The following SIPA1L3 variants were observed in gnomAD, a reference collection of about 807,000 sequenced individuals.
The protein encoded by SIPA1L3 is signal induced proliferation associated 1 like 3, also known as signal-induced proliferation-associated 1-like protein 3.
Under a neutral mutation model 150.1 loss-of-function variants are expected in SIPA1L3, and 59 were observed. The ratio of observed to expected loss-of-function variants is 0.39; its 90% CI spans 0.32 to 0.49. SIPA1L3 has a LOEUF of 0.49. Among genes scored for constraint, SIPA1L3 ranks in the 20% least tolerant of loss-of-function variants. SIPA1L3 has a pLI of 0.86. For missense variants in SIPA1L3, 2,211 were observed against 2,489.5 expected, an observed-to-expected ratio of 0.89 and a Z score of 2.38; for synonymous variants, 1,070 against 1,077.6, an observed-to-expected ratio of 0.99 and a Z score of 0.14.
chr19:38,159,035 GC>G (rs1488368402), intron 13 of SIPA1L3, among the ~76,000 whole-genome samples: 1 of 152,198 alleles, frequency 6.6e-6, no homozygotes, highest in Non-Finnish European at 1.5e-5. Context: ...CAGAGTGACT[GC>G]CCACCTCCCG....
intron 6 of SIPA1L3, among the ~76,000 whole-genome samples, chr19:38,104,127 C>T (rs986081508): frequency 5.8e-4 from 88 of 152,136 alleles, no homozygotes; most frequent in African/African-American, 2.0e-3. Flanking sequence ...CCCCACACCT[C>T]GCCAAGACTC....
chr19:38,174,349 C>T (rs928192116), intron 15 of SIPA1L3, among the ~76,000 whole-genome samples: 1 of 152,154 alleles, frequency 6.6e-6, no homozygotes, highest in Non-Finnish European at 1.5e-5. Flanking sequence ...CCATGACACA[C>T]GTCAGGGAGA....
chr19:37,914,024 CAAAAA>C (rs58768492), intron 1 of SIPA1L3, among the ~76,000 whole-genome samples: 13 of 110,802 alleles, frequency 1.2e-4, no homozygotes, highest in Non-Finnish European at 1.0e-4. Context: ...GAGGCCGTCT[CAAAAA>C]AAAAAAAAAA....
At chr19:37,992,832 G>A (rs879902144) in intron 1 of SIPA1L3, among the ~76,000 whole-genome samples, 1 of 152,142 alleles carries the variant, frequency 6.6e-6, no homozygotes, top group African/African-American at 2.4e-5. Flanking sequence ...AATGGGGACA[G>A]CAAGGAATCT....
intron 9 of SIPA1L3, among the ~76,000 whole-genome samples, chr19:38,124,562 C>T (rs1395283771): frequency 3.3e-5 from 5 of 151,782 alleles, no homozygotes; most frequent in East Asian, 2.0e-4. Flanking sequence ...AGACGATGGG[C>T]GGCCAGGCAG....
intron 3 of SIPA1L3, among the ~76,000 whole-genome samples, chr19:38,086,007 CAAAACAAAAA>C (rs1270486473): frequency 6.6e-6 from 1 of 150,432 alleles, no homozygotes; most frequent in Non-Finnish European, 1.5e-5. Flanking sequence ...TCAACCAAAA[CAAAACAAAAA>C]AAAAACGCTA....
intron 2 of SIPA1L3, among the ~76,000 whole-genome samples, chr19:38,080,396 CT>C (rs1340449249): frequency 6.6e-6 from 1 of 152,170 alleles, no homozygotes; most frequent in Non-Finnish European, 1.5e-5. Flanking sequence ...CAGGTGACCC[CT>C]TTCCTTCAAC....
chr19:37,922,847 G>A (rs1040584816), intron 1 of SIPA1L3, among the ~76,000 whole-genome samples: 10 of 151,544 alleles, frequency 6.6e-5, no homozygotes, highest in Admixed American at 6.6e-4. Flanking sequence ...AGTAAAACAC[G>A]GCTGGGCACG....
intron 2 of SIPA1L3, among the ~76,000 whole-genome samples, chr19:38,041,036 T>C (rs1478900747): frequency 6.6e-6 from 1 of 152,068 alleles, no homozygotes; most frequent in Non-Finnish European, 1.5e-5. Context: ...GTGCTAGGAT[T>C]ACAGGCGTGA....
intron 1 of SIPA1L3, among the ~76,000 whole-genome samples, chr19:37,945,629 A>G (rs575801645): frequency 6.6e-6 from 1 of 152,264 alleles, no homozygotes; most frequent in East Asian, 1.9e-4. Flanking sequence ...ACACTTGAGT[A>G]GTCTAGCTTA....
intron 7 of SIPA1L3, among the ~76,000 whole-genome samples, chr19:38,108,177 T>C (rs978854008): frequency 2.6e-5 from 4 of 152,070 alleles, no homozygotes; most frequent in Admixed American, 1.3e-4. Context: ...CATATACTCC[T>C]GCGGCAACCG....
intron 6 of SIPA1L3, among the ~76,000 whole-genome samples, chr19:38,103,728 C>T (rs1970558413): frequency 1.3e-5 from 2 of 151,058 alleles, no homozygotes; most frequent in African/African-American, 4.9e-5. Context: ...TCGAGACCAT[C>T]CTGGCTAACA....
At chr19:38,188,954 C>T (rs546586586) in intron 16 of SIPA1L3, among the ~76,000 whole-genome samples, 21 of 152,112 alleles carry the variant, frequency 1.4e-4, no homozygotes, top group African/African-American at 5.1e-4. Flanking sequence ...CTCTCCCTTC[C>T]CTGGCCCTCA....
At chr19:38,027,476 G>T (rs1968540082) in intron 1 of SIPA1L3, among the ~76,000 whole-genome samples, 1 of 152,094 alleles carries the variant, frequency 6.6e-6, no homozygotes, top group Non-Finnish European at 1.5e-5. Context: ...TCCTTCCTGG[G>T]AGATTCCTGG....
At chr19:38,072,937 G>A (rs1490912436) in intron 2 of SIPA1L3, among the ~76,000 whole-genome samples, 1 of 152,234 alleles carries the variant, frequency 6.6e-6, no homozygotes, top group Admixed American at 6.5e-5. Context: ...CAATCTGGGA[G>A]CATTTACACC....
At chr19:38,088,171 G>A (rs1193378743) in intron 3 of SIPA1L3, among the ~76,000 whole-genome samples, 2 of 152,366 alleles carry the variant, frequency 1.3e-5, no homozygotes, top group East Asian at 3.9e-4. Context: ...TGCCTGGCAC[G>A]GTGCTGAAGG....
At chr19:38,130,835 C>T in intron 10 of SIPA1L3, 63 bp downstream of exon 10, 2 of 1,514,910 alleles carry the variant, frequency 1.3e-6, no homozygotes, top group Non-Finnish European at 1.8e-6. Flanking sequence ...GGCATGAGGC[C>T]TCCCTGGCAC....
intron 2 of SIPA1L3, among the ~76,000 whole-genome samples, chr19:38,057,635 A>G (rs1969349861): frequency 6.7e-6 from 1 of 149,970 alleles, no homozygotes; most frequent in South Asian, 2.1e-4. Flanking sequence ...TTCCTGGTTC[A>G]GAGGGTGAGA....
chr19:38,206,931 A>G lies in SIPA1L3; in HGVS notation c.*691A>G, dbSNP rs1281573393. On this transcript the variant is annotated 3_prime_UTR_variant, in exon 22 of 22. Coordinates refer to ENST00000222345, the MANE Select transcript of SIPA1L3 (RefSeq NM_015073.3). Reference sequence around the variant, plus strand: ...CCAGAGCCGATTTATTTGAGAGAGAAACTCTATTTGGATCTCCAGGACGGT... The same window carrying G: ...CCAGAGCCGATTTATTTGAGAGAGAGACTCTATTTGGATCTCCAGGACGGT... 2.0e-5 allele frequency: 3 copies of G among 152,384 alleles called. No homozygotes were observed. The highest frequency in any genetic ancestry group is 4.4e-5 in the Non-Finnish European group (3 of 68,020). 9.4% of individuals were successfully genotyped at this position (152,384 alleles called of 1,614,324 possible). A position where few individuals can be genotyped will look rare whatever the true frequency, so the allele number is the denominator to read the frequency against.
Sources: gnomAD v4.1 joint callset for allele counts (sites outside exome capture counted in the v4.1 genomes callset) on GRCh38, gnomAD v4.1.1 for gene constraint, MANE v1.5 for transcripts, NCBI Gene and HGNC (gene_info 2026-07-23, HGNC 2026-07-21) for gene names.